CTNNA3: variants seen among roughly 807,000 people sequenced by gnomAD.
The protein encoded by CTNNA3 is catenin alpha 3.
In CTNNA3, 76 loss-of-function variants were observed where a neutral mutation model predicts 95.7. That is an observed-to-expected ratio of 0.79 (90% CI 0.66 to 0.96). The LOEUF (loss-of-function observed/expected upper bound fraction) is 0.96, where lower values mean the gene tolerates loss of function less well. Among genes scored for constraint, CTNNA3 ranks in the 40% least tolerant of loss-of-function variants. The pLI is 0.00. For missense variants in CTNNA3, 1,191 were observed against 1,089.8 expected (o/e 1.09, Z -1.31); for synonymous variants, 431 against 374.4 (o/e 1.15, Z -1.74).
intron 12 of CTNNA3, among the ~76,000 whole-genome samples, chr10:66,282,226 C>G (rs2091505515): frequency 6.6e-6 from 1 of 151,748 alleles, no homozygotes; most frequent in Non-Finnish European, 1.5e-5. Flanking sequence ...ACTCATACCA[C>G]TTTGCCTAGG....
chr10:67,512,874 A>G (rs1839684430), intron 5 of CTNNA3, among the ~76,000 whole-genome samples: 1 of 152,052 alleles, frequency 6.6e-6, no homozygotes, highest in South Asian at 2.1e-4. Flanking sequence ...AGTCCCAGCT[A>G]CTCGGGAAGC....
intron 11 of CTNNA3, among the ~76,000 whole-genome samples, chr10:66,474,777 T>C (rs1839263712): frequency 6.6e-6 from 1 of 152,112 alleles, no homozygotes; most frequent in African/African-American, 2.4e-5. Context: ...TTTGACTGAA[T>C]TTCCCTGATG....
intron 4 of CTNNA3, among the ~76,000 whole-genome samples, chr10:67,536,788 A>C (rs962775976): frequency 6.6e-6 from 1 of 152,166 alleles, no homozygotes; most frequent in Non-Finnish European, 1.5e-5. Context: ...TGCAGCATTG[A>C]TCATTACAAA....
rs1182837442 is a variant in CTNNA3, at chr10:67,561,818, T to G, written c.293-22149A>C. Among the ~76,000 whole-genome samples, 3 of 152,118 alleles carry G rather than the reference T, an allele frequency of 2.0e-5. No individual in the cohort carries two copies. In the East Asian group the frequency reaches 5.8e-4, roughly 29 times the overall value. On this transcript the variant is annotated intron_variant, in intron 3 of 17. Transcript: ENST00000433211. ...ATGATAAAGGGGATATCACCGCCAA[T>G]GCCACAGAAATACAAACTACCATCA...
intron 12 of CTNNA3, among the ~76,000 whole-genome samples, chr10:66,330,667 A>G (rs1313756947): frequency 6.6e-6 from 1 of 152,058 alleles, no homozygotes; most frequent in African/African-American, 2.4e-5. Context: ...CAATGGTTGA[A>G]CTAGTTTACA....
chr10:66,656,241 A>G (rs1274229981), intron 9 of CTNNA3, among the ~76,000 whole-genome samples: 1 of 152,116 alleles, frequency 6.6e-6, no homozygotes, highest in Non-Finnish European at 1.5e-5. Context: ...TAGATAATTG[A>G]GGATATTTTG....
intron 7 of CTNNA3, among the ~76,000 whole-genome samples, chr10:67,067,550 G>T (rs1856168747): frequency 6.6e-6 from 1 of 152,142 alleles, no homozygotes; most frequent in South Asian, 2.1e-4. Flanking sequence ...TGAAAGATAA[G>T]TAAATAAATT....
At chr10:67,548,203 C>T (rs566577900) in intron 3 of CTNNA3, among the ~76,000 whole-genome samples, 1 of 152,254 alleles carries the variant, frequency 6.6e-6, no homozygotes, top group South Asian at 2.1e-4. Context: ...CTCTTGCTCC[C>T]ACTCTCGTCA....
Position 67,086,314 on chromosome 10 carries a change from T to A in CTNNA3, c.1047+94003A>T, listed in dbSNP as rs1857304985. Among the ~76,000 whole-genome samples the A allele has an allele frequency of 2.6e-5, 4 of 152,188 alleles. No homozygotes were observed. The South Asian group carries it at 8.3e-4, about 32-fold the overall frequency. On this transcript the variant is annotated intron_variant, in intron 7 of 17. Transcript: ENST00000433211. ...CAAGATTTTTATGCAACCTGGCAGA[T>A]GCATACAGAATATCACTTCATTTAG...
chr10:67,226,715 C>T (rs58488970), intron 5 of CTNNA3, among the ~76,000 whole-genome samples: 1 of 152,116 alleles, frequency 6.6e-6, no homozygotes, highest in African/African-American at 2.4e-5. Flanking sequence ...ACAACAACTG[C>T]TAATAAGAAG....
At chr10:67,655,272 G>T (rs2133504071) in intron 1 of CTNNA3, among the ~76,000 whole-genome samples, 1 of 152,262 alleles carries the variant, frequency 6.6e-6, no homozygotes, top group Admixed American at 6.5e-5. Context: ...GGGCTTCATG[G>T]ATTCACAGTG....
chr10:67,042,047 C>G (rs561727605), intron 7 of CTNNA3, among the ~76,000 whole-genome samples: 8 of 151,938 alleles, frequency 5.3e-5, no homozygotes, highest in African/African-American at 1.9e-4. Flanking sequence ...AGAGCTGAGG[C>G]TGAGAGACAA....
intron 12 of CTNNA3, among the ~76,000 whole-genome samples, chr10:66,356,122 G>GTTTTT (rs59366031): frequency 7.7e-5 from 9 of 117,212 alleles, no homozygotes; most frequent in South Asian, 2.9e-4. Flanking sequence ...TGCTTGTTTT[G>GTTTTT]TTTTTTTTTT....
At chr10:66,219,499 C>T (rs2088783677) in intron 13 of CTNNA3, among the ~76,000 whole-genome samples, 1 of 152,176 alleles carries the variant, frequency 6.6e-6, no homozygotes, top group African/African-American at 2.4e-5. Flanking sequence ...TGTTCCCTCT[C>T]TCTCTCATCA....
intron 13 of CTNNA3, among the ~76,000 whole-genome samples, chr10:66,113,467 A>C (rs947499710): frequency 6.6e-6 from 1 of 152,188 alleles, no homozygotes; most frequent in African/African-American, 2.4e-5. Flanking sequence ...AACTTCTTAC[A>C]ACATAAGGCT....
intron 9 of CTNNA3, among the ~76,000 whole-genome samples, chr10:66,761,924 C>G (rs1839616380): frequency 6.6e-6 from 1 of 152,080 alleles, no homozygotes; most frequent in African/African-American, 2.4e-5. Flanking sequence ...TGCTTTATAA[C>G]TGAGCTCAGA....
chr10:65,943,657 A>G (rs1324073625), intron 17 of CTNNA3, among the ~76,000 whole-genome samples: 1 of 152,190 alleles, frequency 6.6e-6, no homozygotes, highest in African/African-American at 2.4e-5. Flanking sequence ...ACCACAGGTC[A>G]CTACTTTATG....
At chr10:66,026,769 A>C (rs1463232374) in intron 15 of CTNNA3, among the ~76,000 whole-genome samples, 1 of 152,182 alleles carries the variant, frequency 6.6e-6, no homozygotes, top group Non-Finnish European at 1.5e-5. Flanking sequence ...TGTTATTGAC[A>C]CAAGATTTTG....
chr10:66,464,565 C>A (rs1057269610), intron 11 of CTNNA3, among the ~76,000 whole-genome samples: 1 of 151,992 alleles, frequency 6.6e-6, no homozygotes, highest in Non-Finnish European at 1.5e-5. Context: ...GAGTTCGAGA[C>A]CAGCCTGGCC....
Sources: allele counts gnomAD v4.1 joint callset (sites outside exome capture counted in the v4.1 genomes callset), GRCh38; gene constraint gnomAD v4.1.1; transcripts MANE v1.5; gene names NCBI Gene and HGNC (gene_info 2026-07-23, HGNC 2026-07-21).